Variants in NOBOX observed in about 807,000 individuals in gnomAD.
NOBOX encodes homeobox protein NOBOX.
In NOBOX, 46 loss-of-function variants were observed where a neutral mutation model predicts 60.2. The observed-to-expected ratio is 0.76, with a 90% CI of 0.60 to 0.98. The LOEUF is 0.98. NOBOX is among the 50% of genes least tolerant of loss of function. The pLI is 0.00. For synonymous variants in NOBOX, 360 were observed against 346.3 expected (o/e 1.04, Z -0.44); for missense variants, 880 against 865.5 (o/e 1.02, Z -0.21).
In NOBOX at chr7:144,398,964, C is replaced by A; in HGVS notation, c.1455G>T (p.Gly485=). ...AGGTTCCTTACCTTGTCCCCCAGGA[C>A]CCACAGGGGCCGTCCTTGTGGCTGC... Residue 485 remains glycine (G), a synonymous_variant, in exon 8 of 10, where the codon GGG becomes GGT. Coordinates refer to ENST00000467773, the MANE Select transcript of NOBOX (RefSeq NM_001080413.3). 3 of 1,558,362 alleles carry A rather than the reference C, an allele frequency of 1.9e-6. No individual in the cohort carries two copies. Among genetic ancestry groups the A allele is most frequent in the Non-Finnish European group, 2.6e-6 (3 of 1,148,736 alleles).
chr7:144,398,700 G>C, intron 8 of NOBOX, 114 bp from the exon 7 acceptor site: 1 of 753,354 alleles, frequency 1.3e-6, no homozygotes, highest in Non-Finnish European at 2.2e-6. Context: ...GGTAAGCCCA[G>C]CCTTGCAAGG....
intron 2 of NOBOX, among the ~76,000 whole-genome samples, chr7:144,403,922 G>C (rs1265480593): frequency 6.6e-6 from 1 of 152,034 alleles, no homozygotes; most frequent in Non-Finnish European, 1.5e-5. Flanking sequence ...GGCGCCGCCT[G>C]CTCCGCTCCC....
At position 144,410,009 on chromosome 7, in the gene NOBOX, T is replaced by C. The variant is rs541952370; in HGVS notation, c.85+134A>G. The C allele has an allele frequency of 1.6e-5, 9 of 558,470 alleles. No homozygotes were observed. In the East Asian group the frequency reaches 2.7e-4, roughly 16 times the overall value. The allele number at this position is 558,470 out of a possible 1,614,324, so 34.6% of individuals were successfully genotyped here. On this transcript the variant is annotated intron_variant, in intron 1 of 9. Coordinates refer to ENST00000467773, the MANE Select transcript of NOBOX (RefSeq NM_001080413.3). ...GGTGGCTTGATAGATTTTTCCAATGTTTGAGTCTAGGGTCACTGGCTCCCA... is the reference window on the plus strand; with the variant it reads ...GGTGGCTTGATAGATTTTTCCAATGCTTGAGTCTAGGGTCACTGGCTCCCA...
At chr7:144,400,694 T>C (rs1250155286) in intron 4 of NOBOX, among the ~76,000 whole-genome samples, 1 of 152,210 alleles carries the variant, frequency 6.6e-6, no homozygotes, top group East Asian at 1.9e-4. Flanking sequence ...CAGGCCAGCA[T>C]GTCTGGCTAA....
chr7:144,406,355 T>C (rs1311825076), intron 1 of NOBOX, among the ~76,000 whole-genome samples: 1 of 152,092 alleles, frequency 6.6e-6, no homozygotes, highest in Non-Finnish European at 1.5e-5. Context: ...GTCAGGAGTT[T>C]GAGACCAGCC....
At chr7:144,407,488 A>G (rs2053993796) in intron 1 of NOBOX, among the ~76,000 whole-genome samples, 1 of 152,228 alleles carries the variant, frequency 6.6e-6, no homozygotes, top group Non-Finnish European at 1.5e-5. Context: ...CACCAGGAAG[A>G]GATGACCTGT....
Position 144,401,955 on chromosome 7 carries a change from G to T in NOBOX, c.211-5C>A. On this transcript the variant is annotated splice_polypyrimidine_tract_variant and splice_region_variant and intron_variant, in intron 2 of 9. Coordinates refer to ENST00000467773, the MANE Select transcript of NOBOX (RefSeq NM_001080413.3). The surrounding 1 kb of genome is among the most constrained non-coding windows in gnomAD (Gnocchi z 4.2). ...CTCTAAGGGATCATGTTGGGGCTGC[G>T]GATGGACCAGGAAGACAAAGAGAAA... 6.2e-7 allele frequency: 1 copy of T among 1,603,024 alleles called. No homozygotes were observed. Among genetic ancestry groups the T allele is most frequent in the Non-Finnish European group, 8.5e-7 (1 of 1,170,230 alleles).
At chr7:144,405,791 A>G (rs2053981362) in intron 1 of NOBOX, among the ~76,000 whole-genome samples, 1 of 152,278 alleles carries the variant, frequency 6.6e-6, no homozygotes, top group South Asian at 2.1e-4. Flanking sequence ...GGGGGTTCCA[A>G]TCCCCAGAAA....
intron 2 of NOBOX, among the ~76,000 whole-genome samples, chr7:144,404,269 G>A (rs1480269879): frequency 6.6e-6 from 1 of 152,208 alleles, no homozygotes. Flanking sequence ...TTGTTTTTGA[G>A]ACGGAGTCTT....
In NOBOX at chr7:144,398,587, C is replaced by T; in HGVS notation, c.1470-1G>A. On this transcript the variant is annotated splice_acceptor_variant, in intron 8 of 9. Coordinates refer to ENST00000467773, the MANE Select transcript of NOBOX (RefSeq NM_001080413.3). LOFTEE classifies it high-confidence loss of function. ...TGAACAGGGGGGTGGCAGGGTGATG[C>T]TGCAAGGACAGAGGAACAGCTGGTG... 6.5e-7 allele frequency: 1 copy of T among 1,534,796 alleles called. No homozygotes were observed. The highest frequency in any genetic ancestry group is 2.4e-5 in the East Asian group (1 of 40,862).
intron 1 of NOBOX, among the ~76,000 whole-genome samples, chr7:144,409,406 G>A (rs898032898): frequency 2.0e-5 from 3 of 152,136 alleles, no homozygotes; most frequent in Admixed American, 2.0e-4. Context: ...AACAGTATCG[G>A]TTATTAACAA....
chr7:144,403,489 G>A (rs554648000), intron 2 of NOBOX, among the ~76,000 whole-genome samples, 168 bp downstream of exon 1: 32 of 151,914 alleles, frequency 2.1e-4, no homozygotes, highest in African/African-American at 7.5e-4. Context: ...CAAAGCACAG[G>A]GGGCAGTGAG....
chr7:144,406,463 CAGG>C (rs1244991320), intron 1 of NOBOX, among the ~76,000 whole-genome samples: 2 of 151,700 alleles, frequency 1.3e-5, no homozygotes, highest in African/African-American at 2.4e-5. Flanking sequence ...GAGGCTGAGG[CAGG>C]AGAATTGCTG....
intron 2 of NOBOX, among the ~76,000 whole-genome samples, chr7:144,402,866 C>T (rs1050093309): frequency 2.7e-5 from 4 of 147,722 alleles, no homozygotes; most frequent in Non-Finnish European, 5.9e-5. Flanking sequence ...AAGCGATTCT[C>T]GTGCCTCTGC....
chr7:144,400,859 A>T (rs1410974439), intron 4 of NOBOX, among the ~76,000 whole-genome samples, 187 bp downstream of exon 2: 1 of 152,152 alleles, frequency 6.6e-6, no homozygotes, highest in African/African-American at 2.4e-5. Flanking sequence ...TTCTGATGTG[A>T]TAACCCAACC....
Position 144,401,975 on chromosome 7 carries a change from G to C in NOBOX, c.211-25C>G. On this transcript the variant is annotated intron_variant, in intron 2 of 9. Transcript: ENST00000467773. The surrounding 1 kb of genome is among the most constrained non-coding windows in gnomAD (Gnocchi z 4.2). ...GCTGCGGATGGACCAGGAAGACAAA[G>C]AGAAACAGATTGACAGAGATTCTGC... 6.5e-7 allele frequency: 1 copy of C among 1,544,744 alleles called. No individual in the cohort carries two copies. Among genetic ancestry groups the C allele is most frequent in the Non-Finnish European group, 8.9e-7 (1 of 1,118,252 alleles).
intron 7 of NOBOX, 75 bp from the exon 6 acceptor site, chr7:144,399,253 C>T: frequency 1.1e-6 from 1 of 943,194 alleles, no homozygotes; most frequent in East Asian, 2.6e-5. Flanking sequence ...GAATGGTAGA[C>T]ACAAGCCATG....
At position 144,401,142 on chromosome 7, in the gene NOBOX, T is replaced by A; in HGVS notation, c.748A>T (p.Thr250Ser). Reference sequence around the variant, plus strand: ...CTGTTTTGGTTGCTCTGCGCCAATGTACTGAGGAGATTGGCCAGGTGGCAG... The same window carrying A: ...CTGTTTTGGTTGCTCTGCGCCAATGAACTGAGGAGATTGGCCAGGTGGCAG... Residue 250 changes from threonine (T) to serine (S), a missense_variant, in exon 4 of 10, where the codon ACA becomes TCA. Coordinates refer to ENST00000467773, the MANE Select transcript of NOBOX (RefSeq NM_001080413.3). This position sits in a 1 kb window ranked among gnomAD's most constrained non-coding sequence, Gnocchi z 4.2. 6.2e-7 allele frequency: 1 copy of A among 1,609,030 alleles called. No individual in the cohort carries two copies. The highest frequency in any genetic ancestry group is 8.5e-7 in the Non-Finnish European group (1 of 1,177,270).
At chr7:144,400,042 C>A in intron 5 of NOBOX, 164 bp downstream of exon 3, 2 of 1,523,908 alleles carry the variant, frequency 1.3e-6, no homozygotes, top group South Asian at 2.3e-5. Context: ...TCCTAATGCT[C>A]TCAGGCTGTG....
Sources: gnomAD v4.1 joint callset for allele counts (sites outside exome capture counted in the v4.1 genomes callset) on GRCh38, gnomAD v4.1.1 for gene constraint, Gnocchi (gnomAD v3.1) non-coding constraint, MANE v1.5 for transcripts, NCBI Gene and HGNC (gene_info 2026-07-23, HGNC 2026-07-21) for gene names.